Variants in ZCCHC10 observed in about 807,000 individuals in gnomAD.
ZCCHC10 encodes the protein zinc finger CCHC domain-containing protein 10.
ZCCHC10 carries 16 observed loss-of-function variants against 19.5 expected under a neutral mutation model. The ratio of observed to expected loss-of-function variants is 0.82; its 90% CI spans 0.56 to 1.25. The LOEUF is 1.25. Ranked by LOEUF, ZCCHC10 falls within the 50% of genes most tolerant of loss-of-function variation. The pLI, the probability that ZCCHC10 is intolerant of heterozygous loss-of-function variation, is 0.00. For missense variants in ZCCHC10, 197 were observed against 201.0 expected, an observed-to-expected ratio of 0.98 and a Z score of 0.12; for synonymous variants, 67 against 72.5, an observed-to-expected ratio of 0.92 and a Z score of 0.38.
rs944319509 is a variant in ZCCHC10 at position 133,019,122 on chromosome 5, G to A, written c.107+3719C>T. The A allele has an allele frequency of 1.3e-5, 6 of 448,034 alleles. 1 individual carries two copies. Among genetic ancestry groups the A allele is most frequent in the Admixed American group, 7.3e-5 (3 of 41,294 alleles). 27.8% of individuals were successfully genotyped at this position (448,034 alleles called of 1,614,324 possible). A position where few individuals can be genotyped will look rare whatever the true frequency, so the allele number is the denominator to read the frequency against. ...TATGAGGCTGGACGCAGTGGCTCAC[G>A]CCTATAATCCTGGCACTTTGAGAGG... is the stretch of plus-strand genomic sequence containing the variant. On this transcript the variant is annotated intron_variant, in intron 2 of 4. Transcript: ENST00000509437.
At chr5:133,008,889 T>A (rs1189673807) in intron 2 of ZCCHC10, among the ~76,000 whole-genome samples, 1 of 152,114 alleles carries the variant, frequency 6.6e-6, no homozygotes, top group African/African-American at 2.4e-5. Flanking sequence ...GGCAAACAGC[T>A]GTAGTCCCAG....
chr5:133,011,492 G>A (rs995145476), intron 2 of ZCCHC10: 2 of 151,872 alleles, frequency 1.3e-5, no homozygotes, highest in African/African-American at 4.8e-5. Context: ...TGCGTGCAGT[G>A]GTAGACACCT....
At chr5:133,006,058 C>T (rs1763101879) in intron 3 of ZCCHC10, among the ~76,000 whole-genome samples, 4 of 147,126 alleles carry the variant, frequency 2.7e-5, no homozygotes, top group African/African-American at 7.5e-5. Flanking sequence ...AATCTCAGCT[C>T]ACCAAAACTT....
rs1479556148 is a variant in ZCCHC10, at chr5:132,998,324, CA to C, written c.*258del. The C allele has an allele frequency of 3.0e-6, 1 of 334,520 alleles. No homozygotes were observed. The highest frequency in any genetic ancestry group is 5.5e-6 in the Non-Finnish European group (1 of 180,730). The allele number at this position is 334,520 out of a possible 1,614,324, so 20.7% of individuals were successfully genotyped here. A position where few individuals can be genotyped will look rare whatever the true frequency, so the allele number is the denominator to read the frequency against. ...AGAAAAGATAGTTTCATCACACAAACAGATTTGCAGATTTCAGCTTTAAGTT... is the reference window on the plus strand; with the variant it reads ...AGAAAAGATAGTTTCATCACACAAACGATTTGCAGATTTCAGCTTTAAGTT... On this transcript the variant is annotated 3_prime_UTR_variant, in exon 5 of 5. Coordinates refer to ENST00000509437, the MANE Select transcript of ZCCHC10 (RefSeq NM_001300816.3).
intron 2 of ZCCHC10, among the ~76,000 whole-genome samples, chr5:133,010,607 G>T (rs567574614): frequency 6.6e-6 from 1 of 151,952 alleles, no homozygotes; most frequent in Non-Finnish European, 1.5e-5. Flanking sequence ...ATATAAAGAC[G>T]AATTGAGTTT....
At chr5:133,014,651 TCA>T (rs1763801762) in intron 2 of ZCCHC10, among the ~76,000 whole-genome samples, 2 of 152,378 alleles carry the variant, frequency 1.3e-5, no homozygotes, top group East Asian at 1.9e-4. Flanking sequence ...CCAGGTATCT[TCA>T]CAGTGTGCTT....
chr5:133,013,875 T>C (rs1390010490), intron 2 of ZCCHC10, among the ~76,000 whole-genome samples: 1 of 152,152 alleles, frequency 6.6e-6, no homozygotes, highest in East Asian at 1.9e-4. Flanking sequence ...GCAATTCTAC[T>C]TGTATGCAAT....
At chr5:133,007,116 T>C (rs1236162015) in intron 2 of ZCCHC10, among the ~76,000 whole-genome samples, 196 bp from the exon 3 acceptor site, 4 of 151,584 alleles carry the variant, frequency 2.6e-5, no homozygotes, top group Admixed American at 2.0e-4. Context: ...TGTGTCCCCA[T>C]CTAAATCTCA....
chr5:133,023,962 T>C (rs1764502706), intron 1 of ZCCHC10, among the ~76,000 whole-genome samples: 1 of 152,210 alleles, frequency 6.6e-6, no homozygotes, highest in African/African-American at 2.4e-5. Flanking sequence ...CGCAAGCCTC[T>C]AAAGGCCCTC....
intron 2 of ZCCHC10, among the ~76,000 whole-genome samples, chr5:133,020,862 A>G (rs1764258853): frequency 6.6e-6 from 1 of 151,222 alleles, no homozygotes; most frequent in African/African-American, 2.4e-5. Context: ...CTGGGACTAC[A>G]AGCGCCCGCC....
rs1362140795 is a variant in ZCCHC10 at position 133,004,018 on chromosome 5, C to G, written c.269+2741G>C. 2.0e-5 allele frequency among the ~76,000 whole-genome samples: 3 copies of G among 151,934 alleles called. No individual in the cohort carries two copies. In the East Asian group the frequency reaches 5.8e-4, roughly 29 times the overall value. On this transcript the variant is annotated intron_variant, in intron 3 of 4. Transcript: ENST00000509437. ...AACCACTGTGCCCAGTCCGGAAATGCATTTCTTAATGACAGATTTTTTTCT... is the reference window on the plus strand; with the variant it reads ...AACCACTGTGCCCAGTCCGGAAATGGATTTCTTAATGACAGATTTTTTTCT...
At chr5:133,005,120 A>C (rs34377815) in intron 3 of ZCCHC10, among the ~76,000 whole-genome samples, 34,332 of 150,566 alleles carry the variant, frequency 0.23, 4,015 homozygotes, top group Non-Finnish European at 0.25. Context: ...TAACATGGTG[A>C]AACCCAGTCT....
rs6865816 is a variant in ZCCHC10 at position 132,998,891 on chromosome 5, T to C, written c.312-41A>G. On this transcript the variant is annotated intron_variant, in intron 4 of 4. Coordinates refer to ENST00000509437, the MANE Select transcript of ZCCHC10 (RefSeq NM_001300816.3). ...GAGTTATATACATGGGAAGGTGACA[T>C]GTAATAGAATGTTAAAAGCAATTTC... is the stretch of plus-strand genomic sequence containing the variant. 3,337 of 1,582,336 alleles carry C rather than the reference T, an allele frequency of 2.1e-3. 61 individuals carry two copies. The African/African-American group carries it at 0.04, about 19-fold the overall frequency.
chr5:133,009,756 C>G (rs1030474857), intron 2 of ZCCHC10, among the ~76,000 whole-genome samples: 2 of 151,886 alleles, frequency 1.3e-5, no homozygotes, highest in Admixed American at 1.3e-4. Flanking sequence ...GAGATAAACT[C>G]TGTGTCAGAG....
intron 3 of ZCCHC10, among the ~76,000 whole-genome samples, chr5:133,003,896 G>A (rs1047861576): frequency 1.3e-5 from 2 of 151,816 alleles, no homozygotes; most frequent in African/African-American, 4.8e-5. Context: ...TTTTAGTAGA[G>A]ACAGGGTTTT....
rs1762564123 is a variant in ZCCHC10 at position 132,998,589 on chromosome 5, C to A, written c.573G>T (p.Lys191Asn). The change falls in exon 5 of 5, where the codon AAG becomes AAT. Residue 191 changes from lysine (K) to asparagine (N), a missense_variant. Lys to Asn is a moderately conservative substitution (Grantham distance 94). Transcript: ENST00000509437. The stretch of plus-strand genomic sequence containing the variant: ...CAATATGAATGGAGCAACTCTATTT[C>A]TTTTTCTTCTTCTTTGGTGGTTCAT... The part of the protein sequence containing the change: ...SDDEPPKKKK[K>N]K 1.9e-6 allele frequency: 3 copies of A among 1,612,898 alleles called. No individual in the cohort carries two copies.
chr5:133,000,341 A>G (rs1762688062), intron 3 of ZCCHC10, 168 bp from the exon 4 acceptor site: 2 of 718,720 alleles, frequency 2.8e-6, no homozygotes, highest in Non-Finnish European at 4.4e-6. Context: ...AAAGTCTGCC[A>G]TTGTAGGCTG....
At chr5:133,017,982 A>G (rs1764034052) in intron 2 of ZCCHC10, among the ~76,000 whole-genome samples, 1 of 152,010 alleles carries the variant, frequency 6.6e-6, no homozygotes. Flanking sequence ...TGTCTCTACT[A>G]AAAATACAAA....
chr5:133,006,747 A>ATT lies in ZCCHC10; in HGVS notation c.269+11_269+12insAA. On this transcript the variant is annotated intron_variant, in intron 3 of 4. Transcript: ENST00000509437. ...AAAAAAATATTCCTTTGGATACCAC[A>ATT]TGTAAACCTACCTTTGTTGCAATAA... 1 of 1,597,026 alleles carries ATT rather than the reference A, an allele frequency of 6.3e-7. No homozygotes were observed. The highest frequency in any genetic ancestry group is 8.5e-7 in the Non-Finnish European group (1 of 1,174,810).
Sources: allele counts gnomAD v4.1 joint callset (sites outside exome capture counted in the v4.1 genomes callset), GRCh38; gene constraint gnomAD v4.1.1; transcripts MANE v1.5; gene names NCBI Gene and HGNC (gene_info 2026-07-23, HGNC 2026-07-21).